Variants in SNX5 observed in about 807,000 individuals in gnomAD.
SNX5 encodes sorting nexin-5.
A neutral mutation model predicts 53.9 loss-of-function variants in SNX5; 31 were observed. The ratio of observed to expected loss-of-function variants is 0.58; its 90% CI spans 0.43 to 0.78. The LOEUF (loss-of-function observed/expected upper bound fraction) is 0.78. Ranked by LOEUF, SNX5 falls within the 30% of genes least tolerant of loss-of-function variation. The probability of loss-of-function intolerance (pLI) is 0.00; values close to 1 mark genes in which losing one functional copy is unlikely to be tolerated. For missense variants in SNX5, 471 were observed against 478.8 expected (o/e 0.98, Z 0.15); for synonymous variants, 168 against 171.1 (o/e 0.98, Z 0.14).
intron 1 of SNX5, among the ~76,000 whole-genome samples, chr20:17,964,860 TA>T (rs796389093): frequency 6.6e-5 from 10 of 152,212 alleles, no homozygotes; most frequent in African/African-American, 2.4e-4. Flanking sequence ...GAAACTCAGG[TA>T]AGTTTCCAGT....
intron 11 of SNX5, chr20:17,944,670 C>G (rs1395482660): frequency 1.3e-5 from 2 of 152,098 alleles, no homozygotes; most frequent in Non-Finnish European, 2.9e-5. Context: ...CTCAGCCTCC[C>G]GAGTAGCTGG....
intron 3 of SNX5, 37 bp downstream of exon 3, chr20:17,955,328 G>T: frequency 6.8e-7 from 1 of 1,478,204 alleles, no homozygotes; most frequent in Non-Finnish European, 9.4e-7. Flanking sequence ...TAGCAAGGCA[G>T]AAAGAACTAG....
chr20:17,950,065 G>T, intron 8 of SNX5, 67 bp downstream of exon 8: 1 of 1,384,528 alleles, frequency 7.2e-7, no homozygotes, highest in Non-Finnish European at 1.0e-6. Flanking sequence ...ACTCATTTAT[G>T]CTTTTAATTA....
chr20:17,943,883 A>T (rs778082686), intron 11 of SNX5: 1 of 152,256 alleles, frequency 6.6e-6, no homozygotes, highest in African/African-American at 2.4e-5. Context: ...CAGTATCTCA[A>T]TGGGATATCC....
intron 1 of SNX5, among the ~76,000 whole-genome samples, chr20:17,960,962 C>G (rs2122410811): frequency 1.3e-5 from 2 of 152,280 alleles, no homozygotes; most frequent in African/African-American, 4.8e-5. Flanking sequence ...ATGTACTTCC[C>G]TACCAGGTCA....
chr20:17,946,052 G>A (rs971995799), intron 11 of SNX5, among the ~76,000 whole-genome samples: 9 of 152,182 alleles, frequency 5.9e-5, no homozygotes, highest in African/African-American at 2.2e-4. Context: ...GAGAACCCCA[G>A]AGAAGATCCA....
chr20:17,952,661 G>C lies in SNX5; in HGVS notation c.439C>G (p.Leu147Val), dbSNP rs138864959. 1.8e-5 allele frequency: 29 copies of C among 1,614,064 alleles called. No individual in the cohort carries two copies. The highest frequency in any genetic ancestry group is 2.3e-5 in the Non-Finnish European group (27 of 1,179,978). ...ACAGGGTGAGAAGAAAGCCGCTGAA[G>C]AAAGACTTCATGGGAGGACACAGTC... ...KKTVSSHEVFLQRLSSHPVLS... is the reference protein window; with the variant it reads ...KKTVSSHEVFVQRLSSHPVLS... The change falls in exon 5 of 13, where the codon CTT becomes GTT. Residue 147 changes from leucine (L) to valine (V), a missense_variant. Leu to Val is a conservative substitution (Grantham distance 32). Transcript: ENST00000377759.
intron 2 of SNX5, 97 bp from the exon 3 acceptor site, chr20:17,955,572 T>C (rs962807333): frequency 2.7e-6 from 2 of 738,782 alleles, no homozygotes; most frequent in African/African-American, 1.8e-5. Flanking sequence ...GCATAATACA[T>C]CATAATATGA....
chr20:17,965,370 T>G (rs191191363), intron 1 of SNX5, among the ~76,000 whole-genome samples: 1 of 152,300 alleles, frequency 6.6e-6, no homozygotes, highest in East Asian at 1.9e-4. Context: ...CTAGTTTAGA[T>G]GACCACTAGG....
intron 11 of SNX5, chr20:17,944,849 T>G (rs1482831128): frequency 6.6e-6 from 1 of 152,252 alleles, no homozygotes; most frequent in Non-Finnish European, 1.5e-5. Context: ...CCAGCCCTTT[T>G]TCATTTCATC....
chr20:17,956,683 A>C (rs1180780104), intron 2 of SNX5, among the ~76,000 whole-genome samples: 6 of 72,116 alleles, frequency 8.3e-5, no homozygotes, highest in Admixed American at 2.7e-4. Context: ...CAAAAAAAAA[A>C]AAAAAAAAAA....
intron 1 of SNX5, chr20:17,962,198 C>CT (rs71194211): frequency 0.022 from 2,882 of 133,818 alleles, 67 homozygotes; most frequent in African/African-American, 0.048. Context: ...ATTAACTCTG[C>CT]TTTTTTTTTT....
At chr20:17,967,973 G>A (rs1387468359) in intron 1 of SNX5, 2 of 397,850 alleles carry the variant, frequency 5.0e-6, no homozygotes, top group Non-Finnish European at 8.8e-6. Context: ...GTGGGGGGAA[G>A]GAGGGTATTT....
At chr20:17,962,991 G>A in intron 1 of SNX5, 1 of 460,340 alleles carries the variant, frequency 2.2e-6, no homozygotes, top group Non-Finnish European at 4.4e-6. Flanking sequence ...TGGAACCAGA[G>A]TTAAATTACT....
chr20:17,968,474 G>A lies in SNX5; in HGVS notation c.-49C>T, dbSNP rs540394350. On this transcript the variant is annotated 5_prime_UTR_variant, in exon 1 of 13. Coordinates refer to ENST00000377759, the MANE Select transcript of SNX5 (RefSeq NM_014426.4). ...GCCGCCTGGCTGTGCGAGGAAAGAA[G>A]AAGCTGGGCCGCCGCCGCCGCCGCC... is the stretch of plus-strand genomic sequence containing the variant. The A allele has an allele frequency of 1.7e-5, 22 of 1,287,290 alleles. 1 individual carries two copies. Among genetic ancestry groups the A allele is most frequent in the East Asian group, 9.4e-5 (3 of 31,854 alleles). 79.7% of individuals were successfully genotyped at this position (1,287,290 alleles called of 1,614,324 possible). A position where few individuals can be genotyped will look rare whatever the true frequency, so the allele number is the denominator to read the frequency against.
rs982409097 is a variant in SNX5 at position 17,943,394 on chromosome 20, A to C, written c.1079-199T>G. 7 of 542,514 alleles carry C rather than the reference A, an allele frequency of 1.3e-5. No individual in the cohort carries two copies. In the African/African-American group the frequency reaches 1.3e-4, roughly 10 times the overall value. The allele number at this position is 542,514 out of a possible 1,614,324, so 33.6% of individuals were successfully genotyped here. ...TGGTGATACAGCTATCACTGTCTTTAAGTGGAAAACATCACTGAATCACCA... is the reference window on the plus strand; with the variant it reads ...TGGTGATACAGCTATCACTGTCTTTCAGTGGAAAACATCACTGAATCACCA... On this transcript the variant is annotated intron_variant, in intron 11 of 12. Coordinates refer to ENST00000377759, the MANE Select transcript of SNX5 (RefSeq NM_014426.4).
At chr20:17,953,335 C>A (rs1345054075) in intron 4 of SNX5, among the ~76,000 whole-genome samples, 1 of 152,154 alleles carries the variant, frequency 6.6e-6, no homozygotes, top group Non-Finnish European at 1.5e-5. Context: ...TGAGGAAATG[C>A]AAGGATGGAT....
intron 1 of SNX5, among the ~76,000 whole-genome samples, chr20:17,958,298 T>C (rs1319601888): frequency 6.6e-6 from 1 of 152,222 alleles, no homozygotes; most frequent in African/African-American, 2.4e-5. Flanking sequence ...AATTTCCCTT[T>C]GGGTCCCTTT....
chr20:17,954,669 G>C (rs138104131), intron 3 of SNX5, among the ~76,000 whole-genome samples: 2 of 152,124 alleles, frequency 1.3e-5, no homozygotes, highest in Non-Finnish European at 2.9e-5. Context: ...TGTTCCTGCC[G>C]CCAAGAAATA....
Sources: allele counts gnomAD v4.1 joint callset (sites outside exome capture counted in the v4.1 genomes callset), GRCh38; gene constraint gnomAD v4.1.1; transcripts MANE v1.5; gene names NCBI Gene and HGNC (gene_info 2026-07-23, HGNC 2026-07-21).